Variants in ENOX1 observed in about 807,000 individuals in gnomAD.
ENOX1 encodes candidate growth-related and time keeping constitutive hydroquinone (NADH) oxidase.
Under a neutral mutation model 82.5 loss-of-function variants are expected in ENOX1, and 42 were observed. The observed-to-expected ratio is 0.51, with a 90% CI of 0.40 to 0.66. ENOX1 has a LOEUF of 0.66. ENOX1 is among the 30% of genes least tolerant of loss of function. ENOX1 has a pLI of 0.00. For missense variants in ENOX1, 608 were observed against 811.6 expected (o/e 0.75, Z 3.05); for synonymous variants, 271 against 282.2 (o/e 0.96, Z 0.40).
At chr13:43,667,967 T>A (rs1244684088) in intron 1 of ENOX1, among the ~76,000 whole-genome samples, 1 of 152,202 alleles carries the variant, frequency 6.6e-6, no homozygotes, top group African/African-American at 2.4e-5. Context: ...TTGACTGGTA[T>A]CAGACGTACT....
At chr13:43,651,970 C>CAAAAA (rs35793831) in intron 2 of ENOX1, among the ~76,000 whole-genome samples, 3 of 84,108 alleles carry the variant, frequency 3.6e-5, no homozygotes, top group Non-Finnish European at 6.5e-5. Flanking sequence ...AACTTCGTCT[C>CAAAAA]AAAAAAAAAA....
At chr13:43,559,450 G>A (rs1348559294) in intron 2 of ENOX1, among the ~76,000 whole-genome samples, 1 of 152,122 alleles carries the variant, frequency 6.6e-6, no homozygotes, top group African/African-American at 2.4e-5. Context: ...GGGAATCAGA[G>A]GGACTTAAAA....
intron 3 of ENOX1, among the ~76,000 whole-genome samples, chr13:43,442,066 G>T (rs2056389648): frequency 6.6e-6 from 1 of 152,068 alleles, no homozygotes; most frequent in Non-Finnish European, 1.5e-5. Flanking sequence ...GAATTGAACA[G>T]ACCAGGGCCC....
chr13:43,631,508 G>A (rs190511888), intron 2 of ENOX1, among the ~76,000 whole-genome samples: 71 of 152,264 alleles, frequency 4.7e-4, no homozygotes, highest in Admixed American at 1.2e-3. Context: ...TCGGGAAACT[G>A]AGTCAGATTT....
At position 43,589,380 on chromosome 13, in the gene ENOX1, T is replaced by A. The variant is rs912489728; in HGVS notation, c.-219+78099A>T. On this transcript the variant is annotated intron_variant, in intron 2 of 16. Transcript: ENST00000690772. ...AGGAAACAGATAGGAAGCCTACCTG[T>A]CCCTGCCTACTCTCAGGATAAATAT... Among the ~76,000 whole-genome samples the A allele has an allele frequency of 8.6e-5, 13 of 152,022 alleles. 1 individual carries two copies. Among genetic ancestry groups the A allele is most frequent in the African/African-American group, 3.1e-4 (13 of 41,368 alleles).
chr13:43,778,199 G>A (rs1485315617), intron 1 of ENOX1, among the ~76,000 whole-genome samples: 1 of 152,206 alleles, frequency 6.6e-6, no homozygotes, highest in Non-Finnish European at 1.5e-5. Context: ...GGGACAATTA[G>A]AAGCCTGCCT....
chr13:43,555,768 AG>A (rs2079406316), intron 2 of ENOX1, among the ~76,000 whole-genome samples: 1 of 152,240 alleles, frequency 6.6e-6, no homozygotes, highest in Non-Finnish European at 1.5e-5. Flanking sequence ...GGATGTGCTA[AG>A]AGTTTAGAAT....
chr13:43,780,204 C>T (rs1211149541), intron 1 of ENOX1, among the ~76,000 whole-genome samples: 5 of 150,158 alleles, frequency 3.3e-5, no homozygotes, highest in Admixed American at 2.6e-4. Flanking sequence ...TCCCCAAAGC[C>T]AAATACAGTA....
chr13:43,726,983 C>G (rs2089019232), intron 1 of ENOX1, among the ~76,000 whole-genome samples: 2 of 152,104 alleles, frequency 1.3e-5, no homozygotes, highest in African/African-American at 4.8e-5. Context: ...CTCAAGTGAT[C>G]CACCCACCTT....
chr13:43,516,650 T>G (rs979046710), intron 2 of ENOX1, among the ~76,000 whole-genome samples: 3 of 152,192 alleles, frequency 2.0e-5, no homozygotes, highest in African/African-American at 7.2e-5. Context: ...ACTTTGGTTC[T>G]TTGGCTCCCG....
chr13:43,634,726 A>G (rs541616542), intron 2 of ENOX1, among the ~76,000 whole-genome samples: 1 of 152,294 alleles, frequency 6.6e-6, no homozygotes, highest in African/African-American at 2.4e-5. Context: ...TTATCTTTTT[A>G]TGTCATCATG....
intron 2 of ENOX1, among the ~76,000 whole-genome samples, chr13:43,515,155 T>C (rs1358349864): frequency 1.3e-5 from 2 of 152,122 alleles, no homozygotes; most frequent in Non-Finnish European, 2.9e-5. Context: ...AACACAGGAC[T>C]TCTGAGTGCC....
At chr13:43,630,892 T>C (rs2083183366) in intron 2 of ENOX1, among the ~76,000 whole-genome samples, 1 of 150,624 alleles carries the variant, frequency 6.6e-6, no homozygotes, top group Non-Finnish European at 1.5e-5. Flanking sequence ...TACACATATA[T>C]ATACACGCAT....
intron 2 of ENOX1, among the ~76,000 whole-genome samples, chr13:43,577,742 G>C (rs1176626219): frequency 6.6e-6 from 1 of 152,164 alleles, no homozygotes; most frequent in Non-Finnish European, 1.5e-5. Flanking sequence ...CCAGACCACA[G>C]CATTAACCAT....
intron 10 of ENOX1, among the ~76,000 whole-genome samples, chr13:43,322,786 A>G (rs1282008746): frequency 6.6e-6 from 1 of 152,170 alleles, no homozygotes; most frequent in East Asian, 1.9e-4. Flanking sequence ...GGATAATAAC[A>G]TCCACCTAAT....
chr13:43,625,139 T>C (rs541990608), intron 2 of ENOX1, among the ~76,000 whole-genome samples: 1 of 152,204 alleles, frequency 6.6e-6, no homozygotes, highest in South Asian at 2.1e-4. Flanking sequence ...TTGTAAATGG[T>C]ATCATATTTT....
intron 1 of ENOX1, among the ~76,000 whole-genome samples, chr13:43,684,095 CAAA>C (rs55919280): frequency 9.4e-6 from 1 of 106,470 alleles, no homozygotes; most frequent in African/African-American, 3.9e-5. Flanking sequence ...GACTCTGTCT[CAAA>C]AAAAAAAAAA....
intron 2 of ENOX1, among the ~76,000 whole-genome samples, chr13:43,590,842 C>T (rs946076462): frequency 7.4e-5 from 11 of 148,468 alleles, no homozygotes; most frequent in African/African-American, 2.0e-4. Context: ...CAGAGAAATG[C>T]GCAAATGTCA....
chr13:43,476,941 C>T (rs144579408), intron 3 of ENOX1, among the ~76,000 whole-genome samples: 11 of 151,914 alleles, frequency 7.2e-5, no homozygotes, highest in African/African-American at 2.7e-4. Flanking sequence ...AAGCAACAGA[C>T]TGGTTCTATT....
Sources: gnomAD v4.1 joint callset for allele counts (sites outside exome capture counted in the v4.1 genomes callset) on GRCh38, gnomAD v4.1.1 for gene constraint, MANE v1.5 for transcripts, NCBI Gene and HGNC (gene_info 2026-07-23, HGNC 2026-07-21) for gene names.